The following ZNF362 variants were observed in gnomAD, a reference collection of about 807,000 sequenced individuals.
The protein encoded by ZNF362 is zinc finger protein 362.
A neutral mutation model predicts 42.9 loss-of-function variants in ZNF362; 11 were observed. The observed-to-expected ratio is 0.26, with a 90% confidence interval of 0.16 to 0.42. The LOEUF is 0.42. Among genes scored for constraint, ZNF362 ranks in the 20% least tolerant of loss-of-function variants. The probability of loss-of-function intolerance (pLI) is 1.00; values close to 1 mark genes in which losing one functional copy is unlikely to be tolerated. For missense variants in ZNF362, 362 were observed against 576.2 expected, an observed-to-expected ratio of 0.63 and a Z score of 3.81; for synonymous variants, 255 against 257.3, an observed-to-expected ratio of 0.99 and a Z score of 0.09.
the ZNF362 span, among the ~76,000 whole-genome samples, chr1:33,218,325 A>C: frequency 6.6e-6 from 1 of 152,180 alleles, no homozygotes; most frequent in Non-Finnish European, 1.5e-5. Flanking sequence ...CCTATGGTCC[A>C]CGCTACTTGA....
At chr1:33,210,795 C>G in the ZNF362 span, among the ~76,000 whole-genome samples, 1 of 151,980 alleles carries the variant, frequency 6.6e-6, no homozygotes, top group Admixed American at 6.6e-5. Flanking sequence ...TTCCTCCATC[C>G]CTTTATTTTG....
chr1:33,131,776 A>G, the ZNF362 span, among the ~76,000 whole-genome samples: 2 of 152,216 alleles, frequency 1.3e-5, no homozygotes, highest in Admixed American at 6.5e-5. Flanking sequence ...TTATCTATTA[A>G]ATATACCTCA....
At chr1:33,211,186 G>A in the ZNF362 span, among the ~76,000 whole-genome samples, 1 of 152,114 alleles carries the variant, frequency 6.6e-6, no homozygotes, top group Non-Finnish European at 1.5e-5. Flanking sequence ...GCCCTCGCTA[G>A]CCTCCCAAAG....
chr1:33,225,070 CT>C, the ZNF362 span, among the ~76,000 whole-genome samples: 2 of 152,182 alleles, frequency 1.3e-5, no homozygotes, highest in African/African-American at 4.8e-5. Context: ...TCATTTAATT[CT>C]AGACGTACTG....
the ZNF362 span, among the ~76,000 whole-genome samples, chr1:33,178,750 C>T: frequency 2.0e-5 from 3 of 152,322 alleles, no homozygotes; most frequent in South Asian, 4.1e-4. Flanking sequence ...TCCAACCCCA[C>T]AACAGTGCAC....
the ZNF362 span, chr1:33,165,516 G>A: frequency 1.9e-6 from 3 of 1,610,822 alleles, no homozygotes; most frequent in African/African-American, 2.7e-5. This position sits in a 1 kb window ranked among gnomAD's most constrained non-coding sequence, Gnocchi z 4.0. Context: ...GCGCTTCGGT[G>A]TGTTCCCGCT....
the ZNF362 span, among the ~76,000 whole-genome samples, chr1:33,243,428 C>T: frequency 6.6e-6 from 1 of 151,836 alleles, no homozygotes; most frequent in Non-Finnish European, 1.5e-5. Context: ...TCAGGTGATC[C>T]GCCTGCCTTG....
the ZNF362 span, among the ~76,000 whole-genome samples, chr1:33,158,984 G>T: frequency 1.3e-5 from 2 of 152,186 alleles, no homozygotes; most frequent in African/African-American, 4.8e-5. Context: ...GGGACTACAG[G>T]TGCCTGCCAC....
the ZNF362 span, among the ~76,000 whole-genome samples, chr1:33,233,050 C>T: frequency 0.17 from 25,584 of 152,204 alleles, 2,420 homozygotes; most frequent in South Asian, 0.27. Context: ...TCCAGGGTCA[C>T]GCACTGAGAC....
At chr1:33,211,980 T>C in the ZNF362 span, among the ~76,000 whole-genome samples, 1 of 152,212 alleles carries the variant, frequency 6.6e-6, no homozygotes. Flanking sequence ...TCACATTCAA[T>C]TGTAATCCCT....
chr1:33,165,243 A>C, the ZNF362 span: 1 of 445,468 alleles, frequency 2.2e-6, no homozygotes, highest in Admixed American at 4.1e-5. This position sits in a 1 kb window ranked among gnomAD's most constrained non-coding sequence, Gnocchi z 4.0. Context: ...CCGAGGGACC[A>C]GCCCACATCC....
chr1:33,227,293 G>C, the ZNF362 span, among the ~76,000 whole-genome samples: 1 of 152,158 alleles, frequency 6.6e-6, no homozygotes, highest in African/African-American at 2.4e-5. Flanking sequence ...GGAATTGAGT[G>C]GGCTTGTGTC....
At chr1:33,279,657 T>A (rs1431299350) in intron 4 of ZNF362, among the ~76,000 whole-genome samples, 1 of 151,656 alleles carries the variant, frequency 6.6e-6, no homozygotes, top group Non-Finnish European at 1.5e-5. Context: ...TTTTTTTTTT[T>A]TTATTACTCC....
chr1:33,255,783 A>G (rs1314565770), upstream of ZNF362, among the ~76,000 whole-genome samples: 1 of 151,914 alleles, frequency 6.6e-6, no homozygotes, highest in African/African-American at 2.4e-5. Flanking sequence ...TAAAAAAAAA[A>G]TCGGCCTGGA....
intron 6 of ZNF362, among the ~76,000 whole-genome samples, chr1:33,290,279 G>A (rs1646067324): frequency 6.6e-6 from 1 of 151,994 alleles, no homozygotes; most frequent in African/African-American, 2.4e-5. Context: ...TGTTTTCATT[G>A]TTCAATTCCC....
intron 1 of ZNF362, among the ~76,000 whole-genome samples, chr1:33,269,411 T>C (rs901984737): frequency 6.6e-6 from 1 of 152,218 alleles, no homozygotes; most frequent in Non-Finnish European, 1.5e-5. Context: ...TCCCTGAAGC[T>C]TTCTTTTTCT....
chr1:33,223,180 A>G, the ZNF362 span, among the ~76,000 whole-genome samples: 2 of 152,028 alleles, frequency 1.3e-5, no homozygotes, highest in African/African-American at 4.8e-5. Context: ...GAACCCAGGA[A>G]GCAGAGCTTG....
chr1:33,190,073 G>T, the ZNF362 span, among the ~76,000 whole-genome samples: 2 of 152,262 alleles, frequency 1.3e-5, no homozygotes, highest in South Asian at 4.1e-4. Flanking sequence ...TTGTTCTCCT[G>T]TGTACAGTTA....
the ZNF362 span, among the ~76,000 whole-genome samples, chr1:33,180,121 T>G: frequency 6.6e-6 from 1 of 152,130 alleles, no homozygotes; most frequent in African/African-American, 2.4e-5. Flanking sequence ...GGAGACCGAT[T>G]AGAGTTCTAT....
Sources: gnomAD v4.1 joint callset for allele counts (sites outside exome capture counted in the v4.1 genomes callset) on GRCh38, gnomAD v4.1.1 for gene constraint, Gnocchi (gnomAD v3.1) non-coding constraint, MANE v1.5 for transcripts, NCBI Gene and HGNC (gene_info 2026-07-23, HGNC 2026-07-21) for gene names.